SMUG1: variants seen among roughly 807,000 people sequenced by gnomAD.
SMUG1 encodes the protein single-strand selective monofunctional uracil DNA glycosylase.
In SMUG1, 13 loss-of-function variants were observed where a neutral mutation model predicts 23.9. The ratio of observed to expected loss-of-function variants is 0.54; its 90% confidence interval spans 0.35 to 0.86. The LOEUF (loss-of-function observed/expected upper bound fraction) is 0.86. Among genes scored for constraint, SMUG1 ranks in the 40% least tolerant of loss-of-function variants. The probability of loss-of-function intolerance (pLI) is 0.01; values close to 1 mark genes in which losing one functional copy is unlikely to be tolerated. For synonymous variants in SMUG1, 133 were observed against 139.8 expected, an observed-to-expected ratio of 0.95 and a Z score of 0.34; for missense variants, 313 against 339.5, an observed-to-expected ratio of 0.92 and a Z score of 0.61.
intron 3 of SMUG1, chr12:54,182,917 G>C: frequency 2.5e-6 from 1 of 402,996 alleles, no homozygotes; most frequent in Non-Finnish European, 4.4e-6. Flanking sequence ...CACAGGGTTT[G>C]ATGGTTAGTA....
At chr12:54,175,870 A>C (rs1940737476), downstream of SMUG1, among the ~76,000 whole-genome samples, 1 of 152,214 alleles carries the variant, frequency 6.6e-6, no homozygotes, top group Admixed American at 6.5e-5. Context: ...ACAGTGGCCA[A>C]ATTCAAGACC....
intron 2 of SMUG1, among the ~76,000 whole-genome samples, chr12:54,187,617 T>C (rs936878446): frequency 1.3e-5 from 2 of 152,196 alleles, no homozygotes; most frequent in Non-Finnish European, 1.5e-5. Context: ...ACTACTTTCA[T>C]TGTTCCATAA....
intron 4 of SMUG1, among the ~76,000 whole-genome samples, chr12:54,158,486 C>A (rs914241583): frequency 1.3e-5 from 2 of 152,070 alleles, no homozygotes; most frequent in East Asian, 1.9e-4. Context: ...CTGCCTCCAG[C>A]CAGGGGCACT....
Position 54,183,942 on chromosome 12 carries a change from T to A in SMUG1, c.-2A>T. ...CCCCAGCAGGAAAGCCTGGGGCATATGTCCATGCCGCTGTCACCTGGGAAA... is the reference window on the plus strand; with the variant it reads ...CCCCAGCAGGAAAGCCTGGGGCATAAGTCCATGCCGCTGTCACCTGGGAAA... On this transcript the variant is annotated 5_prime_UTR_variant, in exon 3 of 4. Transcript: ENST00000682136. 1 of 1,539,968 alleles carries A rather than the reference T, an allele frequency of 6.5e-7. No individual in the cohort carries two copies. The highest frequency in any genetic ancestry group is 2.0e-5 in the Admixed American group (1 of 49,662).
chr12:54,185,512 ATAAATAAATAAATAAAT>A lies in SMUG1; in HGVS notation c.-19-1570_-19-1554del, dbSNP rs1942228635. On this transcript the variant is annotated intron_variant, in intron 2 of 3. Transcript: ENST00000682136. Reference sequence around the variant, plus strand: ...AATAAATAAATAAATAAATAAATAAATAAATAAATAAATAAATTTGCCGGGCGCAACAGCTCATGCCT... The same window carrying A: ...AATAAATAAATAAATAAATAAATAAATTGCCGGGCGCAACAGCTCATGCCT... 4.3e-5 allele frequency among the ~76,000 whole-genome samples: 4 copies of A among 92,948 alleles called. 1 individual carries two copies. Among genetic ancestry groups the A allele is most frequent in the African/African-American group, 1.0e-4 (3 of 30,014 alleles). 61.0% of individuals were successfully genotyped at this position (92,948 alleles called of 152,430 possible). A position where few individuals can be genotyped will look rare whatever the true frequency, so the allele number is the denominator to read the frequency against.
At chr12:54,160,355 G>T (rs1940209295), downstream of SMUG1, among the ~76,000 whole-genome samples, 1 of 152,212 alleles carries the variant, frequency 6.6e-6, no homozygotes, top group Non-Finnish European at 1.5e-5. Context: ...CCTGTGGCTG[G>T]GCCGTGCCAG....
intron 2 of SMUG1, among the ~76,000 whole-genome samples, chr12:54,174,563 G>C (rs911234585): frequency 1.3e-5 from 2 of 152,232 alleles, no homozygotes; most frequent in Non-Finnish European, 2.9e-5. Context: ...TAGATGGAAG[G>C]ACAGAATGAC....
intron 3 of SMUG1, among the ~76,000 whole-genome samples, chr12:54,167,150 G>C (rs2136536422): frequency 6.6e-6 from 1 of 152,302 alleles, no homozygotes; most frequent in African/African-American, 2.4e-5. Context: ...CTGGGTCCCA[G>C]TGTTCACCAG....
chr12:54,158,820 G>T (rs1940130451), intron 4 of SMUG1, among the ~76,000 whole-genome samples: 1 of 152,132 alleles, frequency 6.6e-6, no homozygotes, highest in African/African-American at 2.4e-5. Context: ...GGAAAATGAT[G>T]ATCTGATTCA....
At chr12:54,161,008 C>T (rs984522493), downstream of SMUG1, among the ~76,000 whole-genome samples, 7 of 152,166 alleles carry the variant, frequency 4.6e-5, no homozygotes, top group Admixed American at 6.5e-5. The surrounding 1 kb of genome is among the most constrained non-coding windows in gnomAD (Gnocchi z 4.2). Flanking sequence ...CACACACTGT[C>T]CTGTTATATT....
At chr12:54,187,642 C>G (rs932256125) in intron 2 of SMUG1, among the ~76,000 whole-genome samples, 177 bp downstream of exon 2, 2 of 152,222 alleles carry the variant, frequency 1.3e-5, no homozygotes, top group Non-Finnish European at 2.9e-5. Flanking sequence ...AAAGCCTGAT[C>G]TCATAGCAAG....
At chr12:54,161,077 G>A (rs945308216), downstream of SMUG1, among the ~76,000 whole-genome samples, 1 of 152,082 alleles carries the variant, frequency 6.6e-6, no homozygotes, top group Non-Finnish European at 1.5e-5. This position sits in a 1 kb window ranked among gnomAD's most constrained non-coding sequence, Gnocchi z 4.2. Context: ...CACTGTCCTT[G>A]TGCACATCGT....
At chr12:54,187,513 T>A (rs1448365385) in intron 2 of SMUG1, among the ~76,000 whole-genome samples, 1 of 152,188 alleles carries the variant, frequency 6.6e-6, no homozygotes, top group Non-Finnish European at 1.5e-5. Context: ...GATTGGCTGC[T>A]CCAGCTCTAG....
downstream of SMUG1, among the ~76,000 whole-genome samples, chr12:54,178,080 AT>A (rs920554169): frequency 2.0e-5 from 3 of 152,218 alleles, no homozygotes; most frequent in Non-Finnish European, 4.4e-5. Flanking sequence ...AGAAAAGGCT[AT>A]GGGAGGACAC....
chr12:54,174,672 A>G (rs1041910180), intron 2 of SMUG1, among the ~76,000 whole-genome samples: 21 of 152,356 alleles, frequency 1.4e-4, no homozygotes, highest in African/African-American at 4.8e-4. Context: ...GAAAATGGAA[A>G]TGGCAACCTG....
chr12:54,162,132 C>T (rs1734562045), downstream of SMUG1: 2 of 153,070 alleles, frequency 1.3e-5, no homozygotes, highest in African/African-American at 4.8e-5. Context: ...GAGAAGCCAC[C>T]AAAGGAGTCA....
At chr12:54,170,419 A>T (rs1274155782) in intron 3 of SMUG1, among the ~76,000 whole-genome samples, 1 of 152,030 alleles carries the variant, frequency 6.6e-6, no homozygotes, top group East Asian at 1.9e-4. Context: ...TTGGAGGGGA[A>T]TGAAGCAGTG....
downstream of SMUG1, among the ~76,000 whole-genome samples, chr12:54,161,553 A>G (rs1940263997): frequency 6.6e-6 from 1 of 151,558 alleles, no homozygotes; most frequent in Admixed American, 6.6e-5. This position sits in a 1 kb window ranked among gnomAD's most constrained non-coding sequence, Gnocchi z 4.2. Context: ...ACTCTTTCCC[A>G]TCTCCCCAGC....
At chr12:54,184,185 T>C (rs2136707932) in intron 2 of SMUG1, 2 of 412,632 alleles carry the variant, frequency 4.8e-6, no homozygotes, top group East Asian at 3.6e-5. Flanking sequence ...ACATGGCACC[T>C]GGTGAGGATA....
Sources: gnomAD v4.1 joint callset for allele counts (sites outside exome capture counted in the v4.1 genomes callset) on GRCh38, gnomAD v4.1.1 for gene constraint, Gnocchi (gnomAD v3.1) non-coding constraint, MANE v1.5 for transcripts, NCBI Gene and HGNC (gene_info 2026-07-23, HGNC 2026-07-21) for gene names.